Variants in ECM2 observed in about 807,000 individuals in gnomAD.
The protein encoded by ECM2 is extracellular matrix protein 2, female organ and adipocyte specific.
A neutral mutation model predicts 67.5 loss-of-function variants in ECM2; 57 were observed. The ratio of observed to expected loss-of-function variants is 0.84; its 90% CI spans 0.68 to 1.05. The LOEUF is 1.05. Among genes scored for constraint, ECM2 ranks in the 50% least tolerant of loss-of-function variants. The pLI, the probability that ECM2 is intolerant of heterozygous loss-of-function variation, is 0.00. For synonymous variants in ECM2, 258 were observed against 294.5 expected (o/e 0.88, Z 1.27); for missense variants, 741 against 822.8 (o/e 0.90, Z 1.22).
intron 6 of ECM2, among the ~76,000 whole-genome samples, chr9:92,506,353 T>G (rs889067169): frequency 6.6e-6 from 1 of 152,164 alleles, no homozygotes; most frequent in Non-Finnish European, 1.5e-5. Context: ...GCATTCAGAT[T>G]GAACTAGCAA....
intron 2 of ECM2, 51 bp from the exon 3 acceptor site, chr9:92,517,926 A>C (rs1847827028): frequency 6.2e-7 from 1 of 1,603,166 alleles, no homozygotes; most frequent in Admixed American, 1.7e-5. Context: ...ATTATCAGTA[A>C]CTGTGAATGG....
intron 3 of ECM2, 57 bp downstream of exon 3, chr9:92,517,630 A>G: frequency 6.2e-7 from 1 of 1,603,114 alleles, no homozygotes; most frequent in Non-Finnish European, 8.5e-7. Flanking sequence ...TAACAAAAAC[A>G]AATGGAAGTT....
chr9:92,503,220 G>T (rs1287650933), intron 7 of ECM2, among the ~76,000 whole-genome samples: 1 of 152,016 alleles, frequency 6.6e-6, no homozygotes, highest in Non-Finnish European at 1.5e-5. Flanking sequence ...ATTATACAAG[G>T]CTCTCTATTT....
At chr9:92,500,599 T>A (rs925420188) in intron 9 of ECM2, 128 bp downstream of exon 9, 2 of 909,022 alleles carry the variant, frequency 2.2e-6, no homozygotes, top group Non-Finnish European at 3.3e-6. Context: ...GCCAATCTTG[T>A]TTAATCCAAC....
Position 92,504,197 on chromosome 9 carries a change from A to G in ECM2, c.1464+1336T>C, listed in dbSNP as rs551820245. ...TCCCACAAAGAATCTGACTTAGCATATCTGGGGTAGGTCCAAGAGTCTGTA... is the reference window on the plus strand; with the variant it reads ...TCCCACAAAGAATCTGACTTAGCATGTCTGGGGTAGGTCCAAGAGTCTGTA... On this transcript the variant is annotated intron_variant, in intron 7 of 9. Transcript: ENST00000344604. Among the ~76,000 whole-genome samples, 4 of 152,326 alleles carry G rather than the reference A, an allele frequency of 2.6e-5. No homozygotes were observed. The South Asian group carries it at 8.3e-4, about 32-fold the overall frequency.
the ECM2 span, among the ~76,000 whole-genome samples, chr9:92,555,103 C>T: frequency 1.3e-5 from 2 of 151,336 alleles, no homozygotes; most frequent in Non-Finnish European, 2.9e-5. Context: ...GGGAGGGTTC[C>T]TTCTTTCTCT....
intron 1 of ECM2, among the ~76,000 whole-genome samples, chr9:92,523,169 C>T (rs2131247844): frequency 6.6e-6 from 1 of 152,092 alleles, no homozygotes; most frequent in South Asian, 2.1e-4. Context: ...CAGCCTTGAA[C>T]TCCTGGGCTC....
the ECM2 span, among the ~76,000 whole-genome samples, chr9:92,553,092 A>G: frequency 6.6e-6 from 1 of 152,232 alleles, no homozygotes; most frequent in South Asian, 2.1e-4. Flanking sequence ...TTTGTATAAA[A>G]TGAGAGATGA....
At chr9:92,497,452 C>T (rs1354642504) in intron 9 of ECM2, among the ~76,000 whole-genome samples, 1 of 151,874 alleles carries the variant, frequency 6.6e-6, no homozygotes, top group East Asian at 1.9e-4. Flanking sequence ...TGGAGAAACC[C>T]CGTCTCTACT....
chr9:92,510,298 A>G lies in ECM2; in HGVS notation c.1171-264T>C, dbSNP rs1259595697. Among the ~76,000 whole-genome samples, 4 of 152,242 alleles carry G rather than the reference A, an allele frequency of 2.6e-5. No individual in the cohort carries two copies. The East Asian group carries it at 7.7e-4, about 29-fold the overall frequency. ...CCACGTTTATATTGCAGCTTTAGAAAGTGAGAGAAAGCTGCCATAACTACT... is the reference window on the plus strand; with the variant it reads ...CCACGTTTATATTGCAGCTTTAGAAGGTGAGAGAAAGCTGCCATAACTACT... On this transcript the variant is annotated intron_variant, in intron 5 of 9. Transcript: ENST00000344604.
chr9:92,521,679 T>A (rs1403619943), intron 2 of ECM2, among the ~76,000 whole-genome samples: 1 of 152,212 alleles, frequency 6.6e-6, no homozygotes, highest in Non-Finnish European at 1.5e-5. Flanking sequence ...AAATGCCTAA[T>A]TGAAATCTTT....
At chr9:92,549,284 C>T in the ECM2 span, among the ~76,000 whole-genome samples, 1 of 152,290 alleles carries the variant, frequency 6.6e-6, no homozygotes, top group South Asian at 2.1e-4. Context: ...CACACTTTCT[C>T]ATAACCAAAA....
At chr9:92,556,002 C>G in the ECM2 span, among the ~76,000 whole-genome samples, 1 of 152,066 alleles carries the variant, frequency 6.6e-6, no homozygotes, top group African/African-American at 2.4e-5. Context: ...TGTGCTCTTT[C>G]AGACTTTTTG....
At chr9:92,523,314 T>C (rs773606448) in intron 1 of ECM2, among the ~76,000 whole-genome samples, 1 of 152,210 alleles carries the variant, frequency 6.6e-6, no homozygotes, top group South Asian at 2.1e-4. Flanking sequence ...AAGGGCCAGA[T>C]AGTAAATATT....
chr9:92,551,504 A>ATTTAT, the ECM2 span, among the ~76,000 whole-genome samples: 41 of 152,104 alleles, frequency 2.7e-4, no homozygotes, highest in Middle Eastern at 6.8e-3. Flanking sequence ...CACCTGGCTA[A>ATTTAT]TTTATTTTAT....
chr9:92,507,632 C>T (rs1847085332), intron 6 of ECM2, among the ~76,000 whole-genome samples: 1 of 152,164 alleles, frequency 6.6e-6, no homozygotes, highest in African/African-American at 2.4e-5. Flanking sequence ...TGGCAGGTGC[C>T]TCGATGTTCC....
the ECM2 span, among the ~76,000 whole-genome samples, chr9:92,553,288 G>C: frequency 6.6e-6 from 1 of 152,122 alleles, no homozygotes; most frequent in Admixed American, 6.5e-5. Context: ...TTTTATACCA[G>C]TATTATGCTG....
At chr9:92,511,283 G>A (rs184418651) in intron 5 of ECM2, among the ~76,000 whole-genome samples, 16 of 152,018 alleles carry the variant, frequency 1.1e-4, no homozygotes, top group South Asian at 8.3e-4. Context: ...ATGCCACCAC[G>A]CTCGGCTAAT....
chr9:92,502,717 G>C, intron 7 of ECM2, 65 bp from the exon 8 acceptor site: 1 of 1,294,658 alleles, frequency 7.7e-7, no homozygotes, highest in East Asian at 2.5e-5. Flanking sequence ...ATTTCATGGA[G>C]ACTAAAATAG....
Sources: gnomAD v4.1 joint callset for allele counts (sites outside exome capture counted in the v4.1 genomes callset) on GRCh38, gnomAD v4.1.1 for gene constraint, MANE v1.5 for transcripts, NCBI Gene and HGNC (gene_info 2026-07-23, HGNC 2026-07-21) for gene names.